Variants in FOXR1 observed in about 807,000 individuals in gnomAD.
FOXR1 encodes the protein forkhead box R1.
In FOXR1, 25 loss-of-function variants were observed where a neutral mutation model predicts 34.5. That is an observed-to-expected ratio of 0.72 (90% confidence interval 0.53 to 1.01). The LOEUF is 1.01. FOXR1 is among the 50% of genes least tolerant of loss of function. The pLI, the probability that FOXR1 is intolerant of heterozygous loss-of-function variation, is 0.00. For missense variants in FOXR1, 373 were observed against 376.2 expected, an observed-to-expected ratio of 0.99 and a Z score of 0.07; for synonymous variants, 153 against 141.6, an observed-to-expected ratio of 1.08 and a Z score of -0.57.
chr11:118,980,402 G>A, intron 4 of FOXR1, 88 bp from the exon 5 acceptor site: 2 of 1,454,076 alleles, frequency 1.4e-6, no homozygotes, highest in Admixed American at 3.4e-5. Flanking sequence ...AAGGGCTAAA[G>A]CCCCTGGCCC....
intron 4 of FOXR1, 38 bp from the exon 5 acceptor site, chr11:118,980,452 A>G (rs1592029919): frequency 6.2e-7 from 1 of 1,604,994 alleles, no homozygotes; most frequent in Non-Finnish European, 8.5e-7. Context: ...TTCCCCAGAC[A>G]TAACATGCCT....
chr11:118,978,045 C>T (rs1278633112), intron 1 of FOXR1, among the ~76,000 whole-genome samples: 2 of 151,994 alleles, frequency 1.3e-5, no homozygotes, highest in African/African-American at 2.4e-5. Context: ...GGTGAAACCA[C>T]GTCTCTACTA....
chr11:118,972,206 G>A (rs556570913), intron 1 of FOXR1, among the ~76,000 whole-genome samples: 1 of 151,724 alleles, frequency 6.6e-6, no homozygotes, highest in Admixed American at 6.6e-5. Flanking sequence ...AGTGGTTTGG[G>A]GGGTGGGGGG....
Position 118,980,687 on chromosome 11 carries a change from C to T in FOXR1, c.809C>T (p.Ser270Phe). The change falls in exon 5 of 6, where the codon TCC becomes TTC. Residue 270 changes from serine to phenylalanine, a missense_variant. By Grantham distance (155) the Ser-to-Phe change is radical (BLOSUM62 -2). Transcript: ENST00000317011. ...RFAEEARALASTRLESIQQCM... is the reference protein window; with the variant it reads ...RFAEEARALAFTRLESIQQCM... Reference sequence around the variant, plus strand: ...GCGGAGGAGGCCCGCGCCTTGGCTTCCACTCGGCTAGAAAGTATCCAACAG... The same window carrying T: ...GCGGAGGAGGCCCGCGCCTTGGCTTTCACTCGGCTAGAAAGTATCCAACAG... 1.2e-6 allele frequency: 2 copies of T among 1,613,910 alleles called. No homozygotes were observed. Among genetic ancestry groups the T allele is most frequent in the South Asian group, 1.1e-5 (1 of 91,084 alleles).
chr11:118,977,919 AC>A (rs1259809721), intron 1 of FOXR1, among the ~76,000 whole-genome samples: 1 of 152,094 alleles, frequency 6.6e-6, no homozygotes, highest in Non-Finnish European at 1.5e-5. Context: ...CCTCATCTAT[AC>A]AAAAAATACA....
chr11:118,972,264 C>T (rs967899508), intron 1 of FOXR1, among the ~76,000 whole-genome samples: 17 of 152,062 alleles, frequency 1.1e-4, no homozygotes, highest in Non-Finnish European at 2.2e-4. Context: ...GCTGGTCTCA[C>T]CTAAAAACGG....
chr11:118,974,805 A>G (rs1337790848), intron 1 of FOXR1, among the ~76,000 whole-genome samples: 1 of 152,150 alleles, frequency 6.6e-6, no homozygotes, highest in African/African-American at 2.4e-5. Flanking sequence ...TGGATTGGAT[A>G]TGGCGTATAA....
intron 1 of FOXR1, 128 bp from the exon 2 acceptor site, chr11:118,978,654 G>A: frequency 1.1e-6 from 1 of 901,202 alleles, no homozygotes. Flanking sequence ...CGTAGAAGTA[G>A]AATGTGATGT....
intron 5 of FOXR1, 127 bp downstream of exon 5, chr11:118,980,855 A>T (rs1941852709): frequency 1.2e-5 from 11 of 922,910 alleles, no homozygotes; most frequent in Admixed American, 2.7e-5. Flanking sequence ...AAACAGGGAG[A>T]TTAACAGTGA....
Position 118,979,086 on chromosome 11 carries a change from C to T in FOXR1, c.266C>T (p.Pro89Leu), listed in dbSNP as rs782591291. The T allele has an allele frequency of 3.1e-6, 5 of 1,607,646 alleles. No individual in the cohort carries two copies. Among genetic ancestry groups the T allele is most frequent in the African/African-American group, 1.3e-5 (1 of 74,638 alleles). ...LTSTLPSSQP[P>L]QKEEDASCSE... Reference sequence around the variant, plus strand: ...AGCACACTCCCCTCCTCTCAGCCACCCCAGAAGGAGGAAGATGCCAGCTGC... The same window carrying T: ...AGCACACTCCCCTCCTCTCAGCCACTCCAGAAGGAGGAAGATGCCAGCTGC... The change falls in exon 3 of 6, where the codon CCC becomes CTC. Residue 89 changes from proline (P) to leucine (L), a missense_variant. Pro to Leu is a moderately conservative substitution (Grantham distance 98). Transcript: ENST00000317011.
In FOXR1 at chr11:118,979,427, T is replaced by C. The variant is rs782497468; in HGVS notation, c.385-15T>C. 1.9e-6 allele frequency: 3 copies of C among 1,590,250 alleles called. No homozygotes were observed. The South Asian group carries it at 3.4e-5, about 18-fold the overall frequency. ...CTGAGGAGTCAGGACCAGTTCCTAC[T>C]CTGTGCTCCTCTAGCTCACAGAAGA... On this transcript the variant is annotated splice_polypyrimidine_tract_variant and intron_variant, in intron 3 of 5. Coordinates refer to ENST00000317011, the MANE Select transcript of FOXR1 (RefSeq NM_181721.3).
In FOXR1 at chr11:118,980,716, A is replaced by G; in HGVS notation, c.838A>G (p.Met280Val). 5 of 1,612,590 alleles carry G rather than the reference A, an allele frequency of 3.1e-6. No homozygotes were observed. Among genetic ancestry groups the G allele is most frequent in the East Asian group, 2.2e-5 (1 of 44,878 alleles). Residue 280 changes from methionine (M) to valine (V), a missense_variant, in exon 5 of 6, where the codon ATG (methionine) becomes GTG (valine). Transcript: ENST00000317011. ...STRLESIQQC[M>V]SQPDVMPFLF... ...TCGGCTAGAAAGTATCCAACAGTGC[A>G]TGAGCCAGCCAGGTGTGAAGACTTG...
Position 118,971,872 on chromosome 11 carries a change from C to A in FOXR1, c.-60C>A. On this transcript the variant is annotated 5_prime_UTR_variant, in exon 1 of 6. Coordinates refer to ENST00000317011, the MANE Select transcript of FOXR1 (RefSeq NM_181721.3). ...AGCCCCGAAGGTGGACGTGAAGCTCCAACACCTCGACTTCTGGGCCCGCCT... is the reference window on the plus strand; with the variant it reads ...AGCCCCGAAGGTGGACGTGAAGCTCAAACACCTCGACTTCTGGGCCCGCCT... 6.5e-7 allele frequency: 1 copy of A among 1,532,886 alleles called. No homozygotes were observed. The highest frequency in any genetic ancestry group is 2.5e-5 in the East Asian group (1 of 40,816). The allele number at this position is 1,532,886 out of a possible 1,614,324, so 95.0% of individuals were successfully genotyped here.
At position 118,971,805 on chromosome 11, in the gene FOXR1, C is replaced by G. The variant is rs1377316861; in HGVS notation, c.-127C>G. The G allele has an allele frequency of 3.0e-6, 3 of 1,014,496 alleles. No individual in the cohort carries two copies. The African/African-American group carries it at 4.8e-5, about 16-fold the overall frequency. The allele number at this position is 1,014,496 out of a possible 1,614,324, so 62.8% of individuals were successfully genotyped here. A position where few individuals can be genotyped will look rare whatever the true frequency, so the allele number is the denominator to read the frequency against. On this transcript the variant is annotated 5_prime_UTR_variant, in exon 1 of 6. Transcript: ENST00000317011. Reference sequence around the variant, plus strand: ...TGAGGGTCGCTCCTCAGCCGCCGCGCTCCCACTCCGCGTCCCCACTCCGCG... The same window carrying G: ...TGAGGGTCGCTCCTCAGCCGCCGCGGTCCCACTCCGCGTCCCCACTCCGCG...
chr11:118,978,755 G>T, intron 1 of FOXR1, 27 bp from the exon 2 acceptor site: 1 of 1,612,726 alleles, frequency 6.2e-7, no homozygotes, highest in South Asian at 1.1e-5. Context: ...AGGATGTTTT[G>T]ACTCTCTCTG....
At chr11:118,978,754 T>G in intron 1 of FOXR1, 28 bp from the exon 2 acceptor site, 4 of 1,612,986 alleles carry the variant, frequency 2.5e-6, no homozygotes, top group Non-Finnish European at 3.4e-6. Flanking sequence ...TAGGATGTTT[T>G]GACTCTCTCT....
chr11:118,980,407 TG>T, intron 4 of FOXR1, 82 bp from the exon 5 acceptor site: 1 of 1,492,270 alleles, frequency 6.7e-7, no homozygotes, highest in Non-Finnish European at 9.3e-7. Flanking sequence ...CTAAAGCCCC[TG>T]GCCCCTGGGT....
intron 1 of FOXR1, among the ~76,000 whole-genome samples, chr11:118,972,205 G>T (rs1005009937): frequency 3.3e-5 from 5 of 151,072 alleles, no homozygotes; most frequent in Non-Finnish European, 7.4e-5. Flanking sequence ...GAGTGGTTTG[G>T]GGGGTGGGGG....
In FOXR1 at chr11:118,971,893, C is replaced by G. The variant is rs951250789; in HGVS notation, c.-39C>G. Reference sequence around the variant, plus strand: ...GCTCCAACACCTCGACTTCTGGGCCCGCCTCCATGGCCAGGTCCCGGGACT... The same window carrying G: ...GCTCCAACACCTCGACTTCTGGGCCGGCCTCCATGGCCAGGTCCCGGGACT... On this transcript the variant is annotated 5_prime_UTR_variant, in exon 1 of 6. Coordinates refer to ENST00000317011, the MANE Select transcript of FOXR1 (RefSeq NM_181721.3). 2 of 1,550,810 alleles carry G rather than the reference C, an allele frequency of 1.3e-6. No individual in the cohort carries two copies. Among genetic ancestry groups the G allele is most frequent in the Non-Finnish European group, 1.7e-6 (2 of 1,145,922 alleles).
Sources: allele counts gnomAD v4.1 joint callset (sites outside exome capture counted in the v4.1 genomes callset), GRCh38; gene constraint gnomAD v4.1.1; transcripts MANE v1.5; gene names NCBI Gene and HGNC (gene_info 2026-07-23, HGNC 2026-07-21).